LARGE1: variants seen among roughly 807,000 people sequenced by gnomAD.
The protein encoded by LARGE1 is xylosyl- and glucuronyltransferase LARGE1.
A neutral mutation model predicts 87.6 loss-of-function variants in LARGE1; 43 were observed. That is an observed-to-expected ratio of 0.49 (90% CI 0.38 to 0.63). The LOEUF (loss-of-function observed/expected upper bound fraction) is 0.63, where lower values mean the gene tolerates loss of function less well. Among genes scored for constraint, LARGE1 ranks in the 30% least tolerant of loss-of-function variants. The pLI is 0.00. For missense variants in LARGE1, 802 were observed against 1,000.2 expected, an observed-to-expected ratio of 0.80 and a Z score of 2.67; for synonymous variants, 434 against 394.6, an observed-to-expected ratio of 1.10 and a Z score of -1.18.
chr22:33,840,650 G>A (rs1056113725), intron 1 of LARGE1, among the ~76,000 whole-genome samples: 4 of 151,298 alleles, frequency 2.6e-5, no homozygotes, highest in African/African-American at 9.7e-5. Flanking sequence ...CCCCGATTTA[G>A]GATAATTCGA....
chr22:33,373,591 G>A (rs1456347482), intron 9 of LARGE1, among the ~76,000 whole-genome samples: 2 of 152,072 alleles, frequency 1.3e-5, no homozygotes, highest in Non-Finnish European at 2.9e-5. Flanking sequence ...CCTTGAGAAG[G>A]CCTGGGATAA....
At chr22:33,351,321 T>C (rs980082504) in intron 9 of LARGE1, among the ~76,000 whole-genome samples, 2 of 152,232 alleles carry the variant, frequency 1.3e-5, no homozygotes, top group African/African-American at 4.8e-5. Flanking sequence ...GCTGCATCAA[T>C]GCAGAAGGCA....
chr22:33,224,127 G>A (rs1011915454), intron 11 of LARGE1, among the ~76,000 whole-genome samples: 17 of 152,108 alleles, frequency 1.1e-4, no homozygotes, highest in African/African-American at 3.6e-4. Context: ...TTAGCTGGGC[G>A]TGGTGGTGGG....
At chr22:33,396,959 T>C (rs1029021357) in intron 7 of LARGE1, among the ~76,000 whole-genome samples, 1 of 152,174 alleles carries the variant, frequency 6.6e-6, no homozygotes, top group Non-Finnish European at 1.5e-5. Context: ...TAGAGTGGAA[T>C]GTACATTCAG....
chr22:33,267,027 G>A (rs1927987191), intron 11 of LARGE1, among the ~76,000 whole-genome samples: 1 of 151,570 alleles, frequency 6.6e-6, no homozygotes, highest in South Asian at 2.1e-4. Flanking sequence ...ATCACTTGAG[G>A]CCAGGAGTTC....
intron 11 of LARGE1, among the ~76,000 whole-genome samples, chr22:33,202,298 A>G (rs749624243): frequency 8.5e-5 from 13 of 152,192 alleles, no homozygotes; most frequent in Non-Finnish European, 1.6e-4. Flanking sequence ...TACTGTGAGC[A>G]GAGTCTGTGC....
intron 1 of LARGE1, chr22:33,861,658 C>G (rs1402463833): frequency 2.0e-5 from 3 of 152,362 alleles, no homozygotes; most frequent in Non-Finnish European, 4.4e-5. Context: ...TGGTGCCACT[C>G]CTCAGTCCTG....
intron 6 of LARGE1, among the ~76,000 whole-genome samples, chr22:33,455,085 C>G (rs564134981): frequency 7.2e-5 from 11 of 152,366 alleles, no homozygotes; most frequent in African/African-American, 2.6e-4. Flanking sequence ...GACAGAAGGT[C>G]TGTCAGTGTG....
At chr22:33,133,069 GA>G in the LARGE1 span, among the ~76,000 whole-genome samples, 1 of 152,258 alleles carries the variant, frequency 6.6e-6, no homozygotes, top group African/African-American at 2.4e-5. Flanking sequence ...TTCCTTTGAG[GA>G]AGATGTTGAA....
At chr22:33,269,902 G>T (rs920422276), downstream of LARGE1, among the ~76,000 whole-genome samples, 3 of 151,898 alleles carry the variant, frequency 2.0e-5, no homozygotes, top group Non-Finnish European at 4.4e-5. Flanking sequence ...CTACTCGGGA[G>T]GCTGAGGCAG....
At chr22:33,171,258 T>G (rs1351247162) in intron 11 of LARGE1, among the ~76,000 whole-genome samples, 1 of 152,196 alleles carries the variant, frequency 6.6e-6, no homozygotes, top group Non-Finnish European at 1.5e-5. Flanking sequence ...AAATTGGAAC[T>G]TATGTTTAAA....
chr22:33,453,933 A>G (rs990788597), intron 6 of LARGE1, among the ~76,000 whole-genome samples: 5 of 152,234 alleles, frequency 3.3e-5, no homozygotes, highest in Admixed American at 3.3e-4. Context: ...AGCAATTGAG[A>G]TAACACAAAG....
intron 6 of LARGE1, among the ~76,000 whole-genome samples, chr22:33,438,763 A>C (rs2147797664): frequency 1.3e-5 from 2 of 152,350 alleles, no homozygotes; most frequent in South Asian, 4.1e-4. Context: ...TCAGGAAGAC[A>C]AAGGATTTTA....
intron 6 of LARGE1, among the ~76,000 whole-genome samples, chr22:33,453,677 C>T (rs1176901036): frequency 6.6e-6 from 1 of 152,158 alleles, no homozygotes; most frequent in African/African-American, 2.4e-5. Context: ...CTGTGTCCAT[C>T]TGTCTTTCCT....
chr22:33,739,634 C>G (rs760889651), intron 2 of LARGE1, among the ~76,000 whole-genome samples: 1 of 152,178 alleles, frequency 6.6e-6, no homozygotes, highest in Admixed American at 6.5e-5. Context: ...CTCACTGAAA[C>G]GCATCTGCAG....
intron 1 of LARGE1, among the ~76,000 whole-genome samples, chr22:33,831,121 G>C (rs1437660953): frequency 1.6e-5 from 2 of 121,216 alleles, no homozygotes; most frequent in African/African-American, 3.2e-5. Context: ...TTTTTGAGAC[G>C]GAGTCTCGCT....
chr22:33,297,331 G>A (rs1444452509), intron 12 of LARGE1, among the ~76,000 whole-genome samples: 1 of 152,158 alleles, frequency 6.6e-6, no homozygotes, highest in Non-Finnish European at 1.5e-5. Context: ...GAAGGGGGCT[G>A]GGCGCAGTGG....
chr22:33,281,369 C>G (rs1930410727), intron 13 of LARGE1, among the ~76,000 whole-genome samples: 2 of 151,382 alleles, frequency 1.3e-5, no homozygotes, highest in Admixed American at 1.3e-4. Context: ...CAAGTTTTTA[C>G]TCTGCATCTT....
rs143138150 is a variant in LARGE1, at chr22:33,815,464, C to T, written c.-82-53906G>A. On this transcript the variant is annotated intron_variant, in intron 1 of 14. Transcript: ENST00000397394. ...TTCCAATTATGTTCCTTTCCTCATG[C>T]GGGGAGAATGTGCCATCAGAGAAAA... Among the ~76,000 whole-genome samples the T allele has an allele frequency of 3.2e-3, 494 of 152,242 alleles. 1 individual carries two copies. Among genetic ancestry groups the T allele is most frequent in the African/African-American group, 0.01 (433 of 41,560 alleles).
Sources: gnomAD v4.1 joint callset for allele counts (sites outside exome capture counted in the v4.1 genomes callset) on GRCh38, gnomAD v4.1.1 for gene constraint, MANE v1.5 for transcripts, NCBI Gene and HGNC (gene_info 2026-07-23, HGNC 2026-07-21) for gene names.